STAU2: variants seen among roughly 807,000 people sequenced by gnomAD.
STAU2 encodes the protein staufen double-stranded RNA binding protein 2.
STAU2 carries 20 observed loss-of-function variants against 65.9 expected under a neutral mutation model. The ratio of observed to expected loss-of-function variants is 0.30; its 90% CI spans 0.21 to 0.44. The LOEUF is 0.44. STAU2 is among the 20% of genes least tolerant of loss of function. STAU2 has a pLI of 1.00. For missense variants in STAU2, 558 were observed against 683.9 expected (o/e 0.82, Z 2.05); for synonymous variants, 232 against 233.9 (o/e 0.99, Z 0.07).
chr8:73,688,017 T>C (rs1415144184), intron 5 of STAU2, among the ~76,000 whole-genome samples: 2 of 150,672 alleles, frequency 1.3e-5, no homozygotes, highest in Non-Finnish European at 3.0e-5. Flanking sequence ...CCCGGCCTAC[T>C]ATCTTTACTT....
chr8:73,740,769 G>A (rs1806795922), intron 1 of STAU2, among the ~76,000 whole-genome samples: 1 of 152,098 alleles, frequency 6.6e-6, no homozygotes, highest in African/African-American at 2.4e-5. Flanking sequence ...GGGAGGCCGA[G>A]GTGGGGGGAT....
At chr8:73,630,641 T>C (rs971158303) in intron 6 of STAU2, among the ~76,000 whole-genome samples, 2 of 152,166 alleles carry the variant, frequency 1.3e-5, no homozygotes, top group Non-Finnish European at 2.9e-5. Context: ...AGAGTGGATG[T>C]TGACATGAGT....
chr8:73,688,685 C>T lies in STAU2; in HGVS notation c.243G>A (p.Lys81=). The T allele has an allele frequency of 1.2e-6, 2 of 1,614,130 alleles. No homozygotes were observed. Among genetic ancestry groups the T allele is most frequent in the South Asian group, 2.2e-5 (2 of 91,078 alleles). Residue 81 remains lysine (K), a synonymous_variant, in exon 5 of 15, where the codon AAG becomes AAA. Transcript: ENST00000524300. ...TATTGTTAACATTACTTTTGGGTGG[C>T]TTCTGAACTGGTTTGGGAAGCGTAG... is the stretch of plus-strand genomic sequence containing the variant. ...TESTLPKPVQ[K]PPKSNVNNNP... is the part of the protein sequence containing the mutation.
chr8:73,612,028 G>C (rs1812510527), intron 9 of STAU2, among the ~76,000 whole-genome samples: 1 of 152,122 alleles, frequency 6.6e-6, no homozygotes. Flanking sequence ...ATAAAACTTA[G>C]TTTAATAGAG....
chr8:73,495,266 T>C (rs1821345522), intron 13 of STAU2, among the ~76,000 whole-genome samples: 1 of 151,610 alleles, frequency 6.6e-6, no homozygotes, highest in African/African-American at 2.4e-5. Flanking sequence ...CTTTTTTAAG[T>C]ACCTGTTAAG....
chr8:73,520,983 TCAAGGG>T (rs1160296972), intron 13 of STAU2, among the ~76,000 whole-genome samples: 1 of 152,104 alleles, frequency 6.6e-6, no homozygotes, highest in Non-Finnish European at 1.5e-5. Flanking sequence ...CATAATTACC[TCAAGGG>T]CAAGGGAATA....
At chr8:73,472,517 T>C (rs1585829031) in intron 13 of STAU2, among the ~76,000 whole-genome samples, 1 of 152,138 alleles carries the variant, frequency 6.6e-6, no homozygotes, top group Non-Finnish European at 1.5e-5. Flanking sequence ...AATAAAAAAA[T>C]TGATAAACGA....
At chr8:73,490,662 A>AT in intron 13 of STAU2, among the ~76,000 whole-genome samples, 1 of 152,140 alleles carries the variant, frequency 6.6e-6, no homozygotes, top group South Asian at 2.1e-4. Flanking sequence ...GATCTGTAGA[A>AT]ATTGCTGTGC....
At chr8:73,551,413 A>G (rs1563416176) in intron 13 of STAU2, 3 of 987,146 alleles carry the variant, frequency 3.0e-6, no homozygotes, top group Non-Finnish European at 3.6e-6. Context: ...AGTTCAAAAC[A>G]TGATCCAGTA....
At chr8:73,545,707 G>A (rs1040869774) in intron 13 of STAU2, among the ~76,000 whole-genome samples, 1 of 151,168 alleles carries the variant, frequency 6.6e-6, no homozygotes, top group Admixed American at 6.6e-5. Flanking sequence ...GAGTCCAGTG[G>A]TGCAATCTTG....
At chr8:73,682,990 A>C (rs567963243) in intron 5 of STAU2, among the ~76,000 whole-genome samples, 1 of 152,290 alleles carries the variant, frequency 6.6e-6, no homozygotes, top group African/African-American at 2.4e-5. Flanking sequence ...CAATAAAAAA[A>C]GCCCAGGACC....
intron 11 of STAU2, 93 bp from the exon 12 acceptor site, chr8:73,582,923 T>C (rs1810099071): frequency 1.8e-6 from 2 of 1,102,824 alleles, no homozygotes; most frequent in Non-Finnish European, 2.7e-6. Context: ...GGCAAAGTCC[T>C]CTCACATGGT....
intron 1 of STAU2, among the ~76,000 whole-genome samples, chr8:73,741,406 G>A (rs566708053): frequency 1.1e-4 from 16 of 152,066 alleles, no homozygotes; most frequent in African/African-American, 3.6e-4. Context: ...CTTATCTACA[G>A]ATCTCTATGT....
At chr8:73,627,211 G>T (rs899436838) in intron 6 of STAU2, among the ~76,000 whole-genome samples, 1 of 44,980 alleles carries the variant, frequency 2.2e-5, no homozygotes, top group Non-Finnish European at 5.4e-5. Flanking sequence ...AATACGGCGG[G>T]GGGGGGGGGG....
intron 6 of STAU2, chr8:73,669,260 G>A (rs959385560): frequency 3.6e-6 from 2 of 560,768 alleles, no homozygotes; most frequent in Admixed American, 6.0e-5. Context: ...TTACCTTTTT[G>A]TGATCTGCAG....
intron 13 of STAU2, chr8:73,550,291 G>A (rs542264863): frequency 1.0e-6 from 1 of 984,290 alleles, no homozygotes; most frequent in African/African-American, 1.7e-5. Context: ...ATGCAATAAT[G>A]AGGGAAGCAG....
chr8:73,684,218 G>A (rs1425542075), intron 5 of STAU2, among the ~76,000 whole-genome samples: 1 of 152,066 alleles, frequency 6.6e-6, no homozygotes, highest in Non-Finnish European at 1.5e-5. Context: ...ACATTATAAG[G>A]CTATAGTCTC....
At chr8:73,612,580 C>T (rs1812556420) in intron 9 of STAU2, among the ~76,000 whole-genome samples, 1 of 152,082 alleles carries the variant, frequency 6.6e-6, no homozygotes, top group Admixed American at 6.6e-5. Context: ...CATATAATTC[C>T]AGTTCAGGGA....
At chr8:73,670,499 A>G (rs1010592585) in intron 6 of STAU2, 2 of 152,138 alleles carry the variant, frequency 1.3e-5, no homozygotes, top group Admixed American at 1.3e-4. Context: ...GAGGTGAGGT[A>G]TATAGATGCC....
Sources: gnomAD v4.1 joint callset for allele counts (sites outside exome capture counted in the v4.1 genomes callset) on GRCh38, gnomAD v4.1.1 for gene constraint, MANE v1.5 for transcripts, NCBI Gene and HGNC (gene_info 2026-07-23, HGNC 2026-07-21) for gene names.